Variants in SH3GL2 observed in about 807,000 individuals in gnomAD.
SH3GL2 encodes the protein endophilin-A1.
In SH3GL2, 24 loss-of-function variants were observed where a neutral mutation model predicts 46.0. That is an observed-to-expected ratio of 0.52 (90% CI 0.38 to 0.73). The LOEUF is 0.73. Ranked by LOEUF, SH3GL2 falls within the 30% of genes least tolerant of loss-of-function variation. The probability of loss-of-function intolerance (pLI) is 0.00; values close to 1 mark genes in which losing one functional copy is unlikely to be tolerated. For missense variants in SH3GL2, 413 were observed against 424.2 expected (o/e 0.97, Z 0.23); for synonymous variants, 196 against 147.1 (o/e 1.33, Z -2.40).
At chr9:17,700,413 A>G (rs965197016) in intron 1 of SH3GL2, among the ~76,000 whole-genome samples, 5 of 152,218 alleles carry the variant, frequency 3.3e-5, no homozygotes, top group African/African-American at 4.8e-5. Flanking sequence ...GCAATACCCT[A>G]AGACTCAGTT....
intron 1 of SH3GL2, among the ~76,000 whole-genome samples, chr9:17,706,681 A>G (rs193169608): frequency 6.6e-6 from 1 of 152,102 alleles, no homozygotes; most frequent in East Asian, 1.9e-4. Context: ...ATGAAGAAAG[A>G]TTTGTATCTT....
At chr9:17,706,307 T>C (rs1409560319) in intron 1 of SH3GL2, among the ~76,000 whole-genome samples, 3 of 152,100 alleles carry the variant, frequency 2.0e-5, no homozygotes, top group Admixed American at 6.6e-5. Context: ...CCTTAGAATG[T>C]GTGTTGAAGT....
At chr9:17,604,416 T>G (rs1274890724) in intron 1 of SH3GL2, among the ~76,000 whole-genome samples, 1 of 152,250 alleles carries the variant, frequency 6.6e-6, no homozygotes, top group East Asian at 1.9e-4. Flanking sequence ...TAGCATAGTA[T>G]TTTCACACAG....
chr9:17,690,659 C>A (rs1311757893), intron 1 of SH3GL2, among the ~76,000 whole-genome samples: 1 of 152,092 alleles, frequency 6.6e-6, no homozygotes, highest in Non-Finnish European at 1.5e-5. Context: ...ATGTGGCAAT[C>A]TACCTAATGG....
intron 1 of SH3GL2, among the ~76,000 whole-genome samples, chr9:17,707,320 T>G (rs1821495852): frequency 6.6e-6 from 1 of 152,026 alleles, no homozygotes; most frequent in African/African-American, 2.4e-5. Flanking sequence ...AATCTTCCTC[T>G]TGGGGTCATA....
At chr9:17,705,756 C>T (rs1226752701) in intron 1 of SH3GL2, among the ~76,000 whole-genome samples, 1 of 151,890 alleles carries the variant, frequency 6.6e-6, no homozygotes, top group Non-Finnish European at 1.5e-5. Context: ...ACATTCAGTA[C>T]ACATGGACAC....
chr9:17,709,132 C>T (rs112848618), intron 1 of SH3GL2, among the ~76,000 whole-genome samples: 1 of 152,034 alleles, frequency 6.6e-6, no homozygotes, highest in South Asian at 2.1e-4. Context: ...TTCTGCTGAT[C>T]TATGATTCTC....
chr9:17,714,842 C>A (rs1821712290), intron 1 of SH3GL2, among the ~76,000 whole-genome samples: 1 of 151,456 alleles, frequency 6.6e-6, no homozygotes, highest in Non-Finnish European at 1.5e-5. Flanking sequence ...CATGTAGATC[C>A]AGATTTTCAT....
intron 1 of SH3GL2, among the ~76,000 whole-genome samples, chr9:17,585,423 A>G (rs1588156203): frequency 6.6e-6 from 1 of 151,962 alleles, no homozygotes; most frequent in Non-Finnish European, 1.5e-5. Context: ...AATCCTTCGT[A>G]CCCTTGTCCT....
intron 1 of SH3GL2, among the ~76,000 whole-genome samples, chr9:17,618,504 G>A (rs558322280): frequency 3.9e-5 from 6 of 152,196 alleles, no homozygotes; most frequent in Admixed American, 6.5e-5. Flanking sequence ...TTTAAAAAAC[G>A]CTGGAAAATG....
chr9:17,762,168 A>G (rs1206240224), intron 3 of SH3GL2, among the ~76,000 whole-genome samples: 1 of 152,196 alleles, frequency 6.6e-6, no homozygotes, highest in South Asian at 2.1e-4. Context: ...AGACCTCCTC[A>G]TTACCATTCC....
intron 8 of SH3GL2, 48 bp downstream of exon 8, chr9:17,793,545 A>T (rs780085681): frequency 7.6e-6 from 12 of 1,582,292 alleles, no homozygotes; most frequent in East Asian, 4.5e-5. Context: ...TGGCATATCC[A>T]TTGGCACTCT....
chr9:17,595,179 G>A (rs4590535), intron 1 of SH3GL2, among the ~76,000 whole-genome samples: 94,457 of 152,030 alleles, frequency 0.62, 31,833 homozygotes, highest in Non-Finnish European at 0.75. Context: ...CCTGGTTTCA[G>A]AGCCAGTAAC....
In SH3GL2 at chr9:17,761,517, A is replaced by G; in HGVS notation, c.187+8A>G. 1.3e-6 allele frequency: 2 copies of G among 1,498,274 alleles called. No individual in the cohort carries two copies. The highest frequency in any genetic ancestry group is 1.9e-6 in the Non-Finnish European group (2 of 1,074,356). 92.8% of individuals were successfully genotyped at this position (1,498,274 alleles called of 1,614,324 possible). A position where few individuals can be genotyped will look rare whatever the true frequency, so the allele number is the denominator to read the frequency against. On this transcript the variant is annotated splice_region_variant and intron_variant, in intron 3 of 8. Coordinates refer to ENST00000380607, the MANE Select transcript of SH3GL2 (RefSeq NM_003026.5). ...ACCTTCAACCCAATCCAGGTAAGGC[A>G]TCATCTTATATGTTTAAAGGATCCC...
chr9:17,666,283 C>G (rs1268009095), intron 1 of SH3GL2, among the ~76,000 whole-genome samples: 1 of 151,908 alleles, frequency 6.6e-6, no homozygotes, highest in Non-Finnish European at 1.5e-5. Flanking sequence ...ATTCCTTTTA[C>G]CATTCCTTCA....
At chr9:17,658,851 C>T (rs978732108) in intron 1 of SH3GL2, among the ~76,000 whole-genome samples, 4 of 152,184 alleles carry the variant, frequency 2.6e-5, no homozygotes, top group Non-Finnish European at 5.9e-5. Context: ...TACCAAGGTA[C>T]CAGAAAATCT....
intron 1 of SH3GL2, among the ~76,000 whole-genome samples, chr9:17,715,364 A>C (rs982408845): frequency 6.6e-6 from 1 of 151,584 alleles, no homozygotes; most frequent in Non-Finnish European, 1.5e-5. Context: ...TGTTTTACTG[A>C]AGTTTGGACA....
At chr9:17,772,538 TC>T (rs1823515347) in intron 3 of SH3GL2, among the ~76,000 whole-genome samples, 1 of 152,208 alleles carries the variant, frequency 6.6e-6, no homozygotes, top group Non-Finnish European at 1.5e-5. Flanking sequence ...CATTCTACTT[TC>T]TGGCTCTATG....
At chr9:17,786,324 CT>C in intron 3 of SH3GL2, 56 bp from the exon 4 acceptor site, 1 of 1,538,450 alleles carries the variant, frequency 6.5e-7, no homozygotes, top group Non-Finnish European at 8.8e-7. Flanking sequence ...CCATCCAGCC[CT>C]ATTTCCGCAG....
Sources: gnomAD v4.1 joint callset for allele counts (sites outside exome capture counted in the v4.1 genomes callset) on GRCh38, gnomAD v4.1.1 for gene constraint, MANE v1.5 for transcripts, NCBI Gene and HGNC (gene_info 2026-07-23, HGNC 2026-07-21) for gene names.